The following RALGDS variants were observed in gnomAD, a reference collection of about 807,000 sequenced individuals.
RALGDS encodes ral guanine nucleotide exchange factor.
Under a neutral mutation model 99.8 loss-of-function variants are expected in RALGDS, and 44 were observed. That is an observed-to-expected ratio of 0.44 (90% confidence interval 0.35 to 0.57). The LOEUF is 0.57. Ranked by LOEUF, RALGDS falls within the 20% of genes least tolerant of loss-of-function variation. The pLI, the probability that RALGDS is intolerant of heterozygous loss-of-function variation, is 0.01. For synonymous variants in RALGDS, 529 were observed against 505.0 expected (o/e 1.05, Z -0.64); for missense variants, 1,022 against 1,203.1 (o/e 0.85, Z 2.23).
rs1055421537 is a variant in RALGDS, at chr9:133,112,263, G to A, written c.184-111C>T. ...TTTCCCAGATAGGGCACAGACTGGC[G>A]GCTGCACAGACCTACAGCCTGGGGT... On this transcript the variant is annotated intron_variant, in intron 1 of 17. Transcript: ENST00000372050. 29 of 739,954 alleles carry A rather than the reference G, an allele frequency of 3.9e-5. 1 individual carries two copies. Among genetic ancestry groups the A allele is most frequent in the South Asian group, 7.4e-5 (5 of 67,654 alleles). 45.8% of individuals were successfully genotyped at this position (739,954 alleles called of 1,614,324 possible).
chr9:133,111,242 AG>A lies in RALGDS; in HGVS notation c.295-754del, dbSNP rs1348400849. The stretch of plus-strand genomic sequence containing the variant: ...GAGATGAGGAAACAGAGGCTTATCC[AG>A]GGGCTGGGAGGGACTGGCCCGTTAG... On this transcript the variant is annotated intron_variant, in intron 2 of 17. Transcript: ENST00000372050. 3.3e-5 allele frequency among the ~76,000 whole-genome samples: 5 copies of A among 152,302 alleles called. No individual in the cohort carries two copies. The East Asian group carries it at 9.6e-4, about 29-fold the overall frequency.
At chr9:133,098,994 A>AC (rs1564224812) in intron 17 of RALGDS, 2 of 526,250 alleles carry the variant, frequency 3.8e-6, no homozygotes, top group East Asian at 3.3e-5. Flanking sequence ...TGACTCCAGA[A>AC]CCCCCCGGCT....
intron 1 of RALGDS, chr9:133,129,287 C>T (rs1364173015): frequency 6.3e-7 from 1 of 1,593,594 alleles, no homozygotes; most frequent in Non-Finnish European, 8.5e-7. Context: ...CACGGCAGGC[C>T]TGGCACAAAC....
At chr9:133,145,261 C>G (rs12003437) in intron 1 of RALGDS, among the ~76,000 whole-genome samples, 17,467 of 152,144 alleles carry the variant, frequency 0.11, 1,240 homozygotes, top group African/African-American at 0.2. Context: ...CACCACACCT[C>G]CCCTCCACGA....
At chr9:133,118,160 G>C (rs1207582035) in intron 1 of RALGDS, among the ~76,000 whole-genome samples, 1 of 152,182 alleles carries the variant, frequency 6.6e-6, no homozygotes, top group Non-Finnish European at 1.5e-5. Context: ...TGCCCCTTCA[G>C]AGTCACCCAG....
At chr9:133,141,172 A>C (rs1183619937) in intron 1 of RALGDS, among the ~76,000 whole-genome samples, 1 of 152,168 alleles carries the variant, frequency 6.6e-6, no homozygotes, top group African/African-American at 2.4e-5. Flanking sequence ...GTTCCTGCAG[A>C]GTTGTCACCA....
rs1407280066 is a variant in RALGDS at position 133,098,165 on chromosome 9, G to A, written c.*422C>T. The stretch of plus-strand genomic sequence containing the variant: ...GGGAGGGGCCGGGACCCCTGCGAAG[G>A]TCACAGGCCAGTGCCTGTGGGCATG... On this transcript the variant is annotated 3_prime_UTR_variant, in exon 18 of 18. Coordinates refer to ENST00000372050, the MANE Select transcript of RALGDS (RefSeq NM_006266.4). 6.3e-6 allele frequency: 2 copies of A among 317,176 alleles called. No individual in the cohort carries two copies. Among genetic ancestry groups the A allele is most frequent in the Non-Finnish European group, 6.0e-6 (1 of 167,442 alleles). 19.6% of individuals were successfully genotyped at this position (317,176 alleles called of 1,614,324 possible).
chr9:133,148,372 C>G (rs549710733), intron 1 of RALGDS, among the ~76,000 whole-genome samples: 1 of 152,350 alleles, frequency 6.6e-6, no homozygotes, highest in South Asian at 2.1e-4. Flanking sequence ...TTGGAGAATC[C>G]CCGCCCATCA....
chr9:133,099,963 A>C, intron 17 of RALGDS: 1 of 448,198 alleles, frequency 2.2e-6, no homozygotes, highest in South Asian at 2.2e-5. Context: ...TGTCTTAGCC[A>C]GAAAGAGTCC....
chr9:133,130,970 G>A lies in RALGDS; in HGVS notation c.114C>T (p.Pro38=), dbSNP rs146716941. Residue 38 remains proline (P), a synonymous_variant, in exon 1 of 18, where the codon CCC becomes CCT. Coordinates refer to the RALGDS transcript ENST00000372062. ...TCCTTACCTTCCTGGGAACCTGGCC[G>A]GGTGGATGCCCAGTCCCTGGCTGCA... 1,260 of 1,535,468 alleles carry A rather than the reference G, an allele frequency of 8.2e-4. 10 individuals are homozygous for A. The African/African-American group carries it at 0.015, about 18-fold the overall frequency.
chr9:133,107,644 C>T (rs1831138832), intron 6 of RALGDS, among the ~76,000 whole-genome samples: 1 of 152,214 alleles, frequency 6.6e-6, no homozygotes, highest in Non-Finnish European at 1.5e-5. Flanking sequence ...ACACCAAGTG[C>T]CTAATGAGTG....
chr9:133,139,862 C>T lies in RALGDS; in HGVS notation c.18+9101G>A, dbSNP rs116622643. On this transcript the variant is annotated intron_variant, in intron 1 of 17. Transcript: ENST00000393160. ...GGAACATCTCATACTCCCCCACATC[C>T]GTAGGCCCACAGAGGAGGCAATGGG... Among the ~76,000 whole-genome samples, 479 of 152,280 alleles carry T rather than the reference C, an allele frequency of 3.1e-3. 4 individuals carry two copies. Among genetic ancestry groups the T allele is most frequent in the African/African-American group, 0.011 (456 of 41,554 alleles).
rs1588502607 is a variant in RALGDS at position 133,097,926 on chromosome 9, G to C, written c.*661C>G. 2 of 231,986 alleles carry C rather than the reference G, an allele frequency of 8.6e-6. No individual in the cohort carries two copies. Among genetic ancestry groups the C allele is most frequent in the African/African-American group, 4.4e-5 (2 of 45,026 alleles). 14.4% of individuals were successfully genotyped at this position (231,986 alleles called of 1,614,324 possible). ...ATGGTCTCGTAAAGCCCAGGACGCA[G>C]TGGTGAATGGCACTTGCAGTGGCAT... On this transcript the variant is annotated 3_prime_UTR_variant, in exon 18 of 18. Transcript: ENST00000372050.
chr9:133,109,787 A>AT (rs368366646), intron 3 of RALGDS, 66 bp from the exon 4 acceptor site: 15,320 of 1,110,240 alleles, frequency 0.014, 169 homozygotes, highest in African/African-American at 0.086. Context: ...GAGGGCAGGG[A>AT]TTTTTTTTTT....
chr9:133,130,553 G>T (rs1159647751), intron 1 of RALGDS, among the ~76,000 whole-genome samples: 1 of 152,154 alleles, frequency 6.6e-6, no homozygotes, highest in Non-Finnish European at 1.5e-5. Flanking sequence ...ACAAGAAAGG[G>T]CTGCCATCAG....
intron 9 of RALGDS, 97 bp downstream of exon 9, chr9:133,105,825 GCCCCCGCCCC>G: frequency 1.1e-5 from 1 of 87,590 alleles, no homozygotes; most frequent in Non-Finnish European, 1.9e-5. Context: ...CGCCGCCCCA[GCCCCCGCCCC>G]AGCCCCCGCC....
Position 133,108,404 on chromosome 9 carries a change from G to C in RALGDS, c.781C>G (p.Leu261Val), listed in dbSNP as rs986991581. ...GGTTTTAGAGCTGGCACTGGTGACA[G>C]AGCTGCAAGAGGAGAAAAGTTCAAC... ...SEPIEAEPEA[L>V]SPVPALKPTP... Residue 261 changes from leucine to valine, a missense_variant and splice_region_variant, in exon 6 of 18, where the codon CTG becomes GTG. Leu to Val is a conservative substitution (Grantham distance 32). Around this residue, in one of 3 missense-constraint regions of RALGDS, gnomAD observed 825 missense variants for 994.5 expected, o/e 0.83. Transcript: ENST00000372050. 4 of 1,536,020 alleles carry C rather than the reference G, an allele frequency of 2.6e-6. No homozygotes were observed. In the African/African-American group the frequency reaches 5.5e-5, roughly 21 times the overall value.
At chr9:133,142,901 C>T (rs1254101670) in intron 1 of RALGDS, among the ~76,000 whole-genome samples, 1 of 152,252 alleles carries the variant, frequency 6.6e-6, no homozygotes, top group East Asian at 1.9e-4. Flanking sequence ...GTGCCTGGCC[C>T]TTCCCAGGCT....
Position 133,102,789 on chromosome 9 carries a change from C to T in RALGDS, c.1903G>A (p.Glu635Lys), listed in dbSNP as rs1325083372. The change falls in exon 13 of 18, where the codon GAG becomes AAG. Residue 635 changes from glutamate (E) to lysine (K), a missense_variant. Around this residue, in one of 3 missense-constraint regions of RALGDS, gnomAD observed 825 missense variants for 994.5 expected, o/e 0.83. Coordinates refer to ENST00000372050, the MANE Select transcript of RALGDS (RefSeq NM_006266.4). ...CTGCCCCGGCCTCACCTCTCAGTCT[C>T]GCTGAGCCGCTCCACGGCCCGGAAC... The part of the protein sequence containing the change: ...AWFRAVERLS[E>K]TESYNLSCEL... 3 of 1,612,498 alleles carry T rather than the reference C, an allele frequency of 1.9e-6. No homozygotes were observed. The highest frequency in any genetic ancestry group is 2.5e-6 in the Non-Finnish European group (3 of 1,179,896).
Sources: allele counts gnomAD v4.1 joint callset (sites outside exome capture counted in the v4.1 genomes callset), GRCh38; gene constraint gnomAD v4.1.1; regional missense constraint gnomAD v4.1.1; transcripts MANE v1.5; gene names NCBI Gene and HGNC (gene_info 2026-07-23, HGNC 2026-07-21).